Variants in MYO15B observed in about 807,000 individuals in gnomAD.
MYO15B encodes myosin XVB.
MYO15B carries 207 observed loss-of-function variants against 119.3 expected under a neutral mutation model. That is an observed-to-expected ratio of 1.73 (90% CI 1.55 to 1.95). The LOEUF (loss-of-function observed/expected upper bound fraction) is 1.95. Ranked by LOEUF, MYO15B falls within the 30% of genes most tolerant of loss-of-function variation. The pLI, the probability that MYO15B is intolerant of heterozygous loss-of-function variation, is 0.00. For missense variants in MYO15B, 2,264 were observed against 1,203.1 expected, an observed-to-expected ratio of 1.88 and a Z score of -13.04; for synonymous variants, 966 against 498.9, an observed-to-expected ratio of 1.94 and a Z score of -12.48.
rs763865954 is a variant in MYO15B, at chr17:75,600,611, G to GTTTTTTTTTT, written c.3526-824_3526-823insTTTTTTTTTT. On this transcript the variant is annotated intron_variant, in intron 14 of 63. Transcript: ENST00000645453. ...TCTTTTTTTTTTTTTTTGAGACGGA[G>GTTTTTTTTTT]TTTGGTTCTTGTTGCCCAGGCTGGA... is the stretch of plus-strand genomic sequence containing the variant. The GTTTTTTTTTT allele has an allele frequency of 4.9e-4, 66 of 135,768 alleles. 2 individuals carry two copies. Among genetic ancestry groups the GTTTTTTTTTT allele is most frequent in the East Asian group, 8.7e-4 (4 of 4,602 alleles). The allele number at this position is 135,768 out of a possible 1,614,324, so 8.4% of individuals were successfully genotyped here. A position where few individuals can be genotyped will look rare whatever the true frequency, so the allele number is the denominator to read the frequency against.
At chr17:75,615,556 G>A (rs2058317156) in exon 35 of MYO15B, 4 of 701,392 alleles carry the variant, frequency 5.7e-6, no homozygotes, top group African/African-American at 3.5e-5. Context: ...AGGGCAGCTG[G>A]CCGTCCAGCA....
rs933109562 is a variant in MYO15B, at chr17:75,591,086, C to T, written c.2360+70C>T. On this transcript the variant is annotated intron_variant, in intron 3 of 63. Coordinates refer to ENST00000645453, the Ensembl canonical transcript of MYO15B. ...GCCCAGTCCCTGCATGTCCCCTTGA[C>T]TGAGGTCCCGGGGCCTGTGAGCACC... The T allele has an allele frequency of 8.6e-6, 6 of 693,822 alleles. No homozygotes were observed. In the African/African-American group the frequency reaches 1.0e-4, roughly 12 times the overall value. The allele number at this position is 693,822 out of a possible 1,614,324, so 43.0% of individuals were successfully genotyped here.
chr17:75,621,149 G>T (rs896143951), exon 50 of MYO15B: 1 of 700,198 alleles, frequency 1.4e-6, no homozygotes, highest in Non-Finnish European at 2.6e-6. Flanking sequence ...GAATTCGCCC[G>T]GCGTTACTTC....
chr17:75,611,523 G>C, intron 23 of MYO15B, 78 bp from the exon 24 acceptor site: 1 of 681,532 alleles, frequency 1.5e-6, no homozygotes, highest in Non-Finnish European at 2.7e-6. Context: ...TTATAATCTT[G>C]GGGTTGAGGG....
rs543448957 is a variant in MYO15B, at chr17:75,616,844, A to C, written c.6507-30A>C. 8.2e-4 allele frequency: 574 copies of C among 703,052 alleles called. 3 individuals are homozygous for C. Among genetic ancestry groups the C allele is most frequent in the Middle Eastern group, 2.3e-3 (10 of 4,370 alleles). 43.6% of individuals were successfully genotyped at this position (703,052 alleles called of 1,614,324 possible). ...CCGCTCCTCGGGGAATCACCCTATG[A>C]ACTTAGTGACCTCTTGCTTCTCCCA... On this transcript the variant is annotated intron_variant, in intron 39 of 63. Coordinates refer to ENST00000645453, the Ensembl canonical transcript of MYO15B.
rs182108964 is a variant in MYO15B at position 75,607,929 on chromosome 17, T to G, written c.4292+1908T>G. On this transcript the variant is annotated intron_variant, in intron 21 of 63. Transcript: ENST00000645453. ...CCAGCAATGTACAAGGGTTCCAGTT[T>G]CTCTACATCCTTGCCAGTACTTATT... Among the ~76,000 whole-genome samples, 452 of 152,336 alleles carry G rather than the reference T, an allele frequency of 3.0e-3. 3 individuals are homozygous for G. The highest frequency in any genetic ancestry group is 9.2e-3 in the African/African-American group (383 of 41,572).
At chr17:75,605,361 C>T (rs1299038330) in intron 19 of MYO15B, 143 bp from the exon 20 acceptor site, 14 of 590,286 alleles carry the variant, frequency 2.4e-5, no homozygotes, top group Non-Finnish European at 3.6e-5. Flanking sequence ...GGCCTGAACC[C>T]GGGAGGCGGA....
At chr17:75,590,508 A>T in intron 1 of MYO15B, 118 bp from the exon 2 acceptor site, 1 of 367,926 alleles carries the variant, frequency 2.7e-6, no homozygotes, top group Non-Finnish European at 4.8e-6. Flanking sequence ...CCCCCATTTT[A>T]TGGATCAGGC....
intron 27 of MYO15B, 30 bp from the exon 28 acceptor site, chr17:75,613,263 C>A (rs1370484890): frequency 1.5e-6 from 1 of 671,358 alleles, no homozygotes; most frequent in Non-Finnish European, 2.7e-6. Context: ...GATCACCCTG[C>A]CTCCACTGCA....
chr17:75,612,748 G>T, intron 25 of MYO15B, 50 bp from the exon 26 acceptor site: 1 of 702,532 alleles, frequency 1.4e-6, no homozygotes, highest in Non-Finnish European at 2.6e-6. Flanking sequence ...GGCTCCCCTG[G>T]GCTGTCTGAT....
At chr17:75,602,992 C>T (rs1185191306) in intron 17 of MYO15B, 40 bp from the exon 18 acceptor site, 3 of 702,260 alleles carry the variant, frequency 4.3e-6, no homozygotes, top group Middle Eastern at 2.3e-4. Flanking sequence ...TTGTATGGGG[C>T]TCCAGTCTGT....
chr17:75,591,402 A>G, intron 4 of MYO15B, 156 bp downstream of exon 4: 1 of 619,230 alleles, frequency 1.6e-6, no homozygotes, highest in African/African-American at 1.8e-5. Context: ...AAATCATCAC[A>G]TGAGCCCCTG....
intron 60 of MYO15B, 126 bp downstream of exon 60, chr17:75,625,364 C>T (rs572216939): frequency 4.7e-6 from 3 of 642,062 alleles, no homozygotes; most frequent in East Asian, 5.4e-5. Context: ...CATCTGTCCT[C>T]TCCACCCCAC....
intron 14 of MYO15B, among the ~76,000 whole-genome samples, chr17:75,600,062 C>T (rs183886941): frequency 1.5e-5 from 2 of 137,682 alleles, no homozygotes; most frequent in Admixed American, 7.5e-5. Flanking sequence ...CTTGCTCTGT[C>T]GCCCAGGCTG....
intron 61 of MYO15B, 67 bp from the exon 62 acceptor site, chr17:75,625,777 G>A (rs920404437): frequency 2.9e-6 from 2 of 701,156 alleles, no homozygotes; most frequent in Admixed American, 4.0e-5. Flanking sequence ...TGACCTGGGG[G>A]ACCAAGCAGA....
At chr17:75,613,882 G>A (rs1339628312) in intron 29 of MYO15B, 105 bp downstream of exon 29, 14 of 613,872 alleles carry the variant, frequency 2.3e-5, no homozygotes, top group Admixed American at 1.4e-4. Context: ...GAGGTGCCCC[G>A]GGGTGGGCAG....
At chr17:75,604,265 A>C (rs1357254119) in intron 19 of MYO15B, among the ~76,000 whole-genome samples, 12 of 152,066 alleles carry the variant, frequency 7.9e-5, no homozygotes, top group Non-Finnish European at 1.3e-4. Flanking sequence ...ACAACTCTCC[A>C]CCCAGCACAG....
At chr17:75,592,882 C>T (rs2056569830) in intron 9 of MYO15B, 42 bp downstream of exon 9, 1 of 688,864 alleles carries the variant, frequency 1.5e-6, no homozygotes, top group African/African-American at 1.7e-5. Flanking sequence ...GGTGCTGGGT[C>T]TGTAGAATCA....
chr17:75,598,527 C>CA (rs34267285), intron 14 of MYO15B, among the ~76,000 whole-genome samples: 433 of 20,094 alleles, frequency 0.022, 3 homozygotes, highest in East Asian at 0.17. Flanking sequence ...GACTCCATCT[C>CA]AAAAAAAAAA....
Sources: allele counts gnomAD v4.1 joint callset (sites outside exome capture counted in the v4.1 genomes callset), GRCh38; gene constraint gnomAD v4.1.1; transcripts MANE v1.5; gene names NCBI Gene and HGNC (gene_info 2026-07-23, HGNC 2026-07-21).